The following ULK4 variants were observed in gnomAD, a reference collection of about 807,000 sequenced individuals.
ULK4 encodes the protein inactive serine/threonine-protein kinase ULK4.
In ULK4, 133 loss-of-function variants were observed where a neutral mutation model predicts 160.6. The observed-to-expected ratio is 0.83, with a 90% CI of 0.72 to 0.96. The LOEUF (loss-of-function observed/expected upper bound fraction) is 0.96. Ranked by LOEUF, ULK4 falls within the 40% of genes least tolerant of loss-of-function variation. ULK4 has a pLI of 0.00. For missense variants in ULK4, 1,580 were observed against 1,499.5 expected, an observed-to-expected ratio of 1.05 and a Z score of -0.89; for synonymous variants, 534 against 539.8, an observed-to-expected ratio of 0.99 and a Z score of 0.15.
chr3:41,340,751 T>C (rs2080665072), intron 35 of ULK4, among the ~76,000 whole-genome samples: 1 of 152,206 alleles, frequency 6.6e-6, no homozygotes, highest in African/African-American at 2.4e-5. Context: ...CTCCAAAGGT[T>C]CTTTCGTCTC....
chr3:41,473,118 A>G (rs2084036163), intron 32 of ULK4, among the ~76,000 whole-genome samples: 1 of 152,220 alleles, frequency 6.6e-6, no homozygotes, highest in African/African-American at 2.4e-5. Context: ...CATAGATGAT[A>G]AGCATAGGTA....
chr3:41,846,349 C>A (rs1403007976), intron 17 of ULK4, among the ~76,000 whole-genome samples: 1 of 152,088 alleles, frequency 6.6e-6, no homozygotes, highest in Non-Finnish European at 1.5e-5. Context: ...GACCTAGGTA[C>A]AATGGCAGTT....
intron 32 of ULK4, among the ~76,000 whole-genome samples, chr3:41,494,650 G>A (rs1215173928): frequency 1.3e-5 from 2 of 152,150 alleles, no homozygotes; most frequent in African/African-American, 4.8e-5. Context: ...GTCCCTGTTT[G>A]CAGACGACAT....
Position 41,667,601 on chromosome 3 carries a change from CATT to C in ULK4, c.2979-3905_2979-3903del, listed in dbSNP as rs71829866. On this transcript the variant is annotated intron_variant, in intron 29 of 36. Transcript: ENST00000301831. ...AAGACTAACCAGTGAAGAGCTGGCC[CATT>C]CTGATGGACTAGGGGCTGGAGAGGA... Among the ~76,000 whole-genome samples the C allele has an allele frequency of 5.3e-3, 812 of 152,268 alleles. 21 individuals are homozygous for C. The East Asian group carries it at 0.085, about 16-fold the overall frequency.
intron 35 of ULK4, among the ~76,000 whole-genome samples, chr3:41,288,540 T>C (rs2079504826): frequency 6.6e-6 from 1 of 152,156 alleles, no homozygotes; most frequent in Admixed American, 6.5e-5. Context: ...AATATCCTGC[T>C]ATAGCCCAAA....
intron 22 of ULK4, among the ~76,000 whole-genome samples, chr3:41,745,167 C>G (rs947666068): frequency 6.7e-6 from 1 of 150,042 alleles, no homozygotes; most frequent in African/African-American, 2.5e-5. Flanking sequence ...AGAAAAAGAG[C>G]AAAACAAAGC....
At chr3:41,442,825 T>C (rs1023617639) in intron 34 of ULK4, among the ~76,000 whole-genome samples, 3 of 152,202 alleles carry the variant, frequency 2.0e-5, no homozygotes, top group African/African-American at 7.2e-5. Flanking sequence ...TAATATTTAT[T>C]TAGTACTCTG....
intron 35 of ULK4, among the ~76,000 whole-genome samples, chr3:41,276,615 A>T (rs1302587974): frequency 6.6e-6 from 1 of 152,268 alleles, no homozygotes. Flanking sequence ...TAAAAATTGC[A>T]TTCTGCAAGG....
intron 34 of ULK4, among the ~76,000 whole-genome samples, chr3:41,442,799 T>C (rs1575225079): frequency 6.6e-6 from 1 of 152,086 alleles, no homozygotes; most frequent in Non-Finnish European, 1.5e-5. Flanking sequence ...TGTTGAGGAA[T>C]AAAAAACAGT....
At chr3:41,948,742 C>T (rs947994538) in intron 2 of ULK4, among the ~76,000 whole-genome samples, 2 of 148,270 alleles carry the variant, frequency 1.3e-5, no homozygotes, top group Non-Finnish European at 3.0e-5. Flanking sequence ...AAAAAAACTC[C>T]AAAAGCTAGG....
At chr3:41,682,475 C>G (rs1559482535) in intron 27 of ULK4, among the ~76,000 whole-genome samples, 1 of 152,164 alleles carries the variant, frequency 6.6e-6, no homozygotes, top group Non-Finnish European at 1.5e-5. Context: ...ACAAAATTCC[C>G]ATTGTTTGTG....
intron 31 of ULK4, among the ~76,000 whole-genome samples, chr3:41,571,558 A>G (rs374263176): frequency 2.0e-5 from 3 of 152,314 alleles, no homozygotes; most frequent in South Asian, 2.1e-4. Flanking sequence ...AGAAAACATG[A>G]GAGTAAACAT....
chr3:41,538,857 A>G (rs1158016982), intron 32 of ULK4, among the ~76,000 whole-genome samples: 3 of 152,096 alleles, frequency 2.0e-5, no homozygotes, highest in South Asian at 2.1e-4. Flanking sequence ...GATGCTGTGT[A>G]TGGTCTATAA....
chr3:41,757,710 T>C (rs370901181), intron 21 of ULK4, among the ~76,000 whole-genome samples: 76 of 150,216 alleles, frequency 5.1e-4, no homozygotes, highest in Non-Finnish European at 7.7e-4. Flanking sequence ...CTCGGCTCAC[T>C]GTAACCTCCC....
intron 33 of ULK4, among the ~76,000 whole-genome samples, chr3:41,459,144 C>T (rs1243017411): frequency 6.6e-6 from 1 of 152,126 alleles, no homozygotes; most frequent in Non-Finnish European, 1.5e-5. Context: ...CTCCGCCTCC[C>T]AGGTTCAAAT....
intron 17 of ULK4, among the ~76,000 whole-genome samples, chr3:41,870,075 C>A (rs2125692177): frequency 6.6e-6 from 1 of 152,294 alleles, no homozygotes; most frequent in East Asian, 1.9e-4. Context: ...AGCACGCATT[C>A]ATATAACTGT....
rs548913180 is a variant in ULK4 at position 41,266,077 on chromosome 3, G to A, written c.3679-16503C>T. Among the ~76,000 whole-genome samples, 17 of 152,258 alleles carry A rather than the reference G, an allele frequency of 1.1e-4. No homozygotes were observed. The South Asian group carries it at 2.5e-3, about 22-fold the overall frequency. ...TTGAGATAAAATTAACTGAAGCAAG[G>A]TCTCCCAGGCCTCCAAGGGCAACAT... On this transcript the variant is annotated intron_variant, in intron 35 of 36. Coordinates refer to ENST00000301831, the MANE Select transcript of ULK4 (RefSeq NM_017886.4).
At chr3:41,643,758 A>G (rs979083993) in intron 30 of ULK4, among the ~76,000 whole-genome samples, 9 of 152,172 alleles carry the variant, frequency 5.9e-5, no homozygotes, top group African/African-American at 1.9e-4. Context: ...TGGGGATGGC[A>G]TTGAATCTAT....
intron 30 of ULK4, among the ~76,000 whole-genome samples, chr3:41,652,817 T>C (rs1638884453): frequency 6.6e-6 from 1 of 152,226 alleles, no homozygotes; most frequent in African/African-American, 2.4e-5. Flanking sequence ...GATATTCATT[T>C]GGATTTTTAA....
Sources: allele counts gnomAD v4.1 joint callset (sites outside exome capture counted in the v4.1 genomes callset), GRCh38; gene constraint gnomAD v4.1.1; transcripts MANE v1.5; gene names NCBI Gene and HGNC (gene_info 2026-07-23, HGNC 2026-07-21).